Variants in MGST2 observed in about 807,000 individuals in gnomAD.
The protein encoded by MGST2 is microsomal glutathione S-transferase 2.
MGST2 carries 9 observed loss-of-function variants against 16.6 expected under a neutral mutation model. The ratio of observed to expected loss-of-function variants is 0.54; its 90% confidence interval spans 0.33 to 0.95. MGST2 has a LOEUF of 0.95. Ranked by LOEUF, MGST2 falls within the 40% of genes least tolerant of loss-of-function variation. MGST2 has a pLI of 0.03. For missense variants in MGST2, 159 were observed against 175.1 expected (o/e 0.91, Z 0.52); for synonymous variants, 79 against 68.0 (o/e 1.16, Z -0.79).
At chr4:139,746,677 C>A in the MGST2 span, among the ~76,000 whole-genome samples, 1 of 152,208 alleles carries the variant, frequency 6.6e-6, no homozygotes, top group African/African-American at 2.4e-5. Context: ...ACGTTTGACA[C>A]TGGACCTCCG....
chr4:139,708,202 C>T (rs1406954603), downstream of MGST2, among the ~76,000 whole-genome samples: 1 of 152,220 alleles, frequency 6.6e-6, no homozygotes, highest in Non-Finnish European at 1.5e-5. Context: ...TTAGGTCTAA[C>T]ACGTAAGTCT....
intron 4 of MGST2, 150 bp from the exon 5 acceptor site, chr4:139,703,866 C>A: frequency 2.2e-6 from 2 of 892,082 alleles, no homozygotes; most frequent in Non-Finnish European, 3.6e-6. Context: ...CTAGGCATTC[C>A]CTTTAACTTA....
chr4:139,709,070 A>AC (rs1377936984), downstream of MGST2, among the ~76,000 whole-genome samples: 5 of 65,314 alleles, frequency 7.7e-5, no homozygotes, highest in Admixed American at 6.6e-4. Flanking sequence ...CAATGGAAAA[A>AC]ATTTTTTTTT....
downstream of MGST2, among the ~76,000 whole-genome samples, chr4:139,707,486 A>G (rs552882708): frequency 5.4e-3 from 818 of 152,228 alleles, 6 homozygotes; most frequent in African/African-American, 0.019. Flanking sequence ...AGTCTTTGCT[A>G]TTGTGAATAA....
At chr4:139,713,528 A>G (rs554781818) in intron 5 of MGST2, among the ~76,000 whole-genome samples, 1 of 152,200 alleles carries the variant, frequency 6.6e-6, no homozygotes, top group African/African-American at 2.4e-5. Context: ...ACTGAGAAGA[A>G]AAAACCTTTT....
At chr4:139,675,772 G>A (rs909196471) in intron 1 of MGST2, among the ~76,000 whole-genome samples, 3 of 152,206 alleles carry the variant, frequency 2.0e-5, no homozygotes, top group Non-Finnish European at 4.4e-5. Flanking sequence ...CAAGAGCTTA[G>A]GGGTAATTTG....
At chr4:139,717,534 TC>T (rs1728030015) in intron 5 of MGST2, 2 of 152,244 alleles carry the variant, frequency 1.3e-5, no homozygotes, top group African/African-American at 2.4e-5. Flanking sequence ...TGGCCTTACA[TC>T]CTGCCCCTTC....
chr4:139,674,759 T>C (rs1042448582), intron 1 of MGST2, among the ~76,000 whole-genome samples: 13 of 152,144 alleles, frequency 8.5e-5, no homozygotes, highest in Non-Finnish European at 1.8e-4. Context: ...CCAGCCTGGG[T>C]GACAGAATGA....
At chr4:139,721,587 C>A (rs1728236278) in intron 5 of MGST2, among the ~76,000 whole-genome samples, 1 of 152,126 alleles carries the variant, frequency 6.6e-6, no homozygotes, top group Non-Finnish European at 1.5e-5. Flanking sequence ...CTATTGATTT[C>A]TGGGCTGCAA....
rs1296725226 is a variant in MGST2 at position 139,703,633 on chromosome 4, G to A, written c.311+97G>A. 3.4e-6 allele frequency: 4 copies of A among 1,160,798 alleles called. No homozygotes were observed. In the African/African-American group the frequency reaches 6.1e-5, roughly 18 times the overall value. 71.9% of individuals were successfully genotyped at this position (1,160,798 alleles called of 1,614,324 possible). A position where few individuals can be genotyped will look rare whatever the true frequency, so the allele number is the denominator to read the frequency against. ...CTGAGAGATATTAACAGCACTGTGA[G>A]TTGTGGTGGCAAAAGTAATCCATAC... On this transcript the variant is annotated intron_variant, in intron 4 of 4. Transcript: ENST00000265498.
intron 1 of MGST2, among the ~76,000 whole-genome samples, chr4:139,670,946 A>G (rs561104943): frequency 3.9e-5 from 6 of 152,056 alleles, no homozygotes; most frequent in Middle Eastern, 6.8e-3. Flanking sequence ...GTGATGCTAT[A>G]CCAGAGTCAG....
intron 5 of MGST2, among the ~76,000 whole-genome samples, chr4:139,737,314 A>AT (rs200018580): frequency 0.062 from 9,169 of 147,890 alleles, 369 homozygotes; most frequent in East Asian, 0.1. Flanking sequence ...CATTTTGTTG[A>AT]TTTTTTTTTT....
At chr4:139,680,803 C>T (rs560200960) in intron 2 of MGST2, among the ~76,000 whole-genome samples, 1 of 152,190 alleles carries the variant, frequency 6.6e-6, no homozygotes, top group Non-Finnish European at 1.5e-5. Context: ...AAAATTTGCT[C>T]CATGGCTTCC....
chr4:139,709,073 T>A (rs1209856819), downstream of MGST2, among the ~76,000 whole-genome samples: 222 of 47,124 alleles, frequency 4.7e-3, 12 homozygotes, highest in African/African-American at 0.011. Flanking sequence ...TGGAAAAAAT[T>A]TTTTTTTTTT....
chr4:139,676,980 C>A (rs1354477130), intron 1 of MGST2, among the ~76,000 whole-genome samples: 5 of 152,268 alleles, frequency 3.3e-5, no homozygotes, highest in African/African-American at 1.2e-4. Context: ...GGAAGAAACA[C>A]TTACCATCTA....
intron 3 of MGST2, chr4:139,698,656 C>T (rs1283483504): frequency 2.7e-6 from 2 of 749,508 alleles, no homozygotes; most frequent in Non-Finnish European, 2.3e-6. Context: ...TTTCTTATAG[C>T]AATCCTGCTC....
the MGST2 span, among the ~76,000 whole-genome samples, chr4:139,746,597 C>T: frequency 2.0e-5 from 3 of 152,172 alleles, no homozygotes; most frequent in Non-Finnish European, 4.4e-5. Flanking sequence ...CCCCATCTGT[C>T]TCTCTCGCTC....
At chr4:139,689,106 CA>C (rs746270352) in intron 2 of MGST2, among the ~76,000 whole-genome samples, 2,615 of 62,360 alleles carry the variant, frequency 0.042, 31 homozygotes, top group African/African-American at 0.13. Flanking sequence ...GACGCCATCT[CA>C]AAAAAAAAAA....
chr4:139,668,552 A>G (rs1260546056), intron 1 of MGST2, among the ~76,000 whole-genome samples: 3 of 146,976 alleles, frequency 2.0e-5, no homozygotes, highest in African/African-American at 7.5e-5. Context: ...AAAAGTCTTA[A>G]GTGTTAGATT....
Sources: gnomAD v4.1 joint callset for allele counts (sites outside exome capture counted in the v4.1 genomes callset) on GRCh38, gnomAD v4.1.1 for gene constraint, MANE v1.5 for transcripts, NCBI Gene and HGNC (gene_info 2026-07-23, HGNC 2026-07-21) for gene names.